The following DNAH5 variants were observed in gnomAD, a reference collection of about 807,000 sequenced individuals.
DNAH5 encodes axonemal beta dynein heavy chain 5.
DNAH5 carries 372 observed loss-of-function variants against 518.2 expected under a neutral mutation model. The ratio of observed to expected loss-of-function variants is 0.72; its 90% CI spans 0.66 to 0.78. The LOEUF is 0.78. DNAH5 is among the 30% of genes least tolerant of loss of function. The pLI is 0.00. For missense variants in DNAH5, 5,523 were observed against 5,687.0 expected (o/e 0.97, Z 0.93); for synonymous variants, 2,039 against 2,025.9 (o/e 1.01, Z -0.17).
Position 13,793,411 on chromosome 5 carries a change from C to T in DNAH5, c.8224+104G>A, listed in dbSNP as rs1757309510. On this transcript the variant is annotated intron_variant, in intron 49 of 78. Coordinates refer to ENST00000265104, the MANE Select transcript of DNAH5 (RefSeq NM_001369.3). ...TGATGGAGGCTGTAGACCAAGGAGC[C>T]ACCCAGTGCTCTTTCTGTGTGGGTC... 34 of 922,466 alleles carry T rather than the reference C, an allele frequency of 3.7e-5. No homozygotes were observed. In the East Asian group the frequency reaches 8.2e-4, roughly 22 times the overall value. 57.1% of individuals were successfully genotyped at this position (922,466 alleles called of 1,614,324 possible). A position where few individuals can be genotyped will look rare whatever the true frequency, so the allele number is the denominator to read the frequency against.
At chr5:13,893,244 G>C (rs1039797585) in intron 16 of DNAH5, among the ~76,000 whole-genome samples, 3 of 152,150 alleles carry the variant, frequency 2.0e-5, no homozygotes, top group Non-Finnish European at 4.4e-5. Context: ...CTGAGGGGCG[G>C]AGTTGGGGGA....
intron 59 of DNAH5, among the ~76,000 whole-genome samples, chr5:13,765,462 T>G (rs975704121): frequency 2.6e-5 from 4 of 152,208 alleles, no homozygotes; most frequent in Non-Finnish European, 2.9e-5. Flanking sequence ...AAGGATATAA[T>G]TATCTTAAGG....
chr5:13,700,591 C>A (rs1227353071), intron 78 of DNAH5, 49 bp downstream of exon 78: 7 of 1,513,712 alleles, frequency 4.6e-6, no homozygotes, highest in Non-Finnish European at 6.4e-6. Flanking sequence ...TTGATAATGT[C>A]ATCCAAACGA....
chr5:13,785,893 T>A (rs1433329420), intron 52 of DNAH5, among the ~76,000 whole-genome samples: 1 of 152,238 alleles, frequency 6.6e-6, no homozygotes, highest in Non-Finnish European at 1.5e-5. Context: ...TGAACTCAGA[T>A]GTCAACCATA....
chr5:13,882,606 G>T, intron 21 of DNAH5, 122 bp downstream of exon 21: 1 of 803,996 alleles, frequency 1.2e-6, no homozygotes. Context: ...CTTCAAATTG[G>T]CTCATAGATT....
At chr5:13,825,293 G>A (rs573170478) in intron 38 of DNAH5, among the ~76,000 whole-genome samples, 32 of 152,068 alleles carry the variant, frequency 2.1e-4, no homozygotes, top group African/African-American at 5.6e-4. Context: ...GCAGTGAGCC[G>A]AGATAGCACT....
intron 75 of DNAH5, 92 bp downstream of exon 75, chr5:13,714,313 A>G: frequency 7.5e-7 from 1 of 1,334,118 alleles, no homozygotes; most frequent in Non-Finnish European, 1.1e-6. Context: ...ATTTCAGGAA[A>G]ATCATTTTTT....
At chr5:13,788,314 C>G (rs1055031851) in intron 51 of DNAH5, among the ~76,000 whole-genome samples, 16 of 152,138 alleles carry the variant, frequency 1.1e-4, no homozygotes, top group Non-Finnish European at 2.2e-4. Flanking sequence ...TCATGGACTC[C>G]CCACGGTGCA....
At chr5:13,896,407 G>A (rs546784942) in intron 15 of DNAH5, among the ~76,000 whole-genome samples, 1 of 152,100 alleles carries the variant, frequency 6.6e-6, no homozygotes, top group Non-Finnish European at 1.5e-5. Context: ...CTTCAAATAA[G>A]TACTCAAATG....
intron 12 of DNAH5, among the ~76,000 whole-genome samples, chr5:13,902,678 G>A (rs573013857): frequency 6.6e-6 from 1 of 152,314 alleles, no homozygotes; most frequent in East Asian, 1.9e-4. Flanking sequence ...AATGGGCAGG[G>A]CACTGTCTGG....
chr5:13,908,848 T>C (rs745998995), intron 12 of DNAH5, among the ~76,000 whole-genome samples: 17 of 152,196 alleles, frequency 1.1e-4, no homozygotes, highest in Non-Finnish European at 2.4e-4. Context: ...GATTCCACTG[T>C]TGCTGAGTCT....
chr5:13,894,840 T>G lies in DNAH5; in HGVS notation c.2260-19A>C, dbSNP rs764140277. Reference sequence around the variant, plus strand: ...GCATCATCTGCAATGAAATTGGGGTTAAGTAATCAATTAATATCTCACTTC... The same window carrying G: ...GCATCATCTGCAATGAAATTGGGGTGAAGTAATCAATTAATATCTCACTTC... On this transcript the variant is annotated intron_variant, in intron 15 of 78. Coordinates refer to ENST00000265104, the MANE Select transcript of DNAH5 (RefSeq NM_001369.3). The G allele has an allele frequency of 2.3e-5, 37 of 1,610,618 alleles. No homozygotes were observed. The Admixed American group carries it at 6.0e-4, about 26-fold the overall frequency.
intron 1 of DNAH5, among the ~76,000 whole-genome samples, chr5:13,991,528 G>A (rs1027587993): frequency 6.8e-6 from 1 of 147,534 alleles, no homozygotes; most frequent in Admixed American, 6.8e-5. Context: ...GAGGAGGGGA[G>A]GAGGGGAGGG....
At chr5:13,841,364 T>G (rs950824053) in intron 33 of DNAH5, among the ~76,000 whole-genome samples, 1 of 152,194 alleles carries the variant, frequency 6.6e-6, no homozygotes, top group African/African-American at 2.4e-5. Flanking sequence ...TCTATTTTTC[T>G]TTTTTTAGTA....
At chr5:13,821,883 G>T (rs1762281502) in intron 40 of DNAH5, among the ~76,000 whole-genome samples, 1 of 151,478 alleles carries the variant, frequency 6.6e-6, no homozygotes, top group African/African-American at 2.4e-5. Flanking sequence ...CAGCCTCAAA[G>T]TCCCAGGCTC....
At position 13,840,888 on chromosome 5, in the gene DNAH5, C is replaced by A. The variant is rs111904415; in HGVS notation, c.5709+18G>T. ...ATTTGTTTTTCTCTACATGCCACAG[C>A]ATTTATAAAGAATTTACCAGGTCAT... is the stretch of plus-strand genomic sequence containing the variant. On this transcript the variant is annotated intron_variant, in intron 34 of 78. Coordinates refer to ENST00000265104, the MANE Select transcript of DNAH5 (RefSeq NM_001369.3). 1,068 of 1,604,784 alleles carry A rather than the reference C, an allele frequency of 6.7e-4. 8 individuals carry two copies. The African/African-American group carries it at 0.011, about 16-fold the overall frequency.
chr5:13,908,051 T>C (rs1775551358), intron 12 of DNAH5, among the ~76,000 whole-genome samples: 1 of 152,144 alleles, frequency 6.6e-6, no homozygotes, highest in Non-Finnish European at 1.5e-5. Flanking sequence ...GTGGAGGAGA[T>C]GGAGCTATTG....
chr5:13,909,748 T>C (rs1775760307), intron 12 of DNAH5, among the ~76,000 whole-genome samples: 1 of 151,580 alleles, frequency 6.6e-6, no homozygotes, highest in African/African-American at 2.4e-5. Context: ...TGTTCTAATG[T>C]ATGTGCTTAT....
At chr5:13,726,433 C>G (rs139456776) in intron 70 of DNAH5, among the ~76,000 whole-genome samples, 2 of 152,082 alleles carry the variant, frequency 1.3e-5, no homozygotes, top group Non-Finnish European at 2.9e-5. Flanking sequence ...CTAAAGGGAT[C>G]GGATGAAGAT....
Sources: gnomAD v4.1 joint callset for allele counts (sites outside exome capture counted in the v4.1 genomes callset) on GRCh38, gnomAD v4.1.1 for gene constraint, MANE v1.5 for transcripts, NCBI Gene and HGNC (gene_info 2026-07-23, HGNC 2026-07-21) for gene names.